CLNK: variants seen among roughly 807,000 people sequenced by gnomAD.
CLNK encodes cytokine dependent hematopoietic cell linker.
Under a neutral mutation model 68.6 loss-of-function variants are expected in CLNK, and 74 were observed. The observed-to-expected ratio is 1.08, with a 90% CI of 0.89 to 1.31. CLNK has a LOEUF of 1.31. CLNK is among the 50% of genes most tolerant of loss of function. The pLI, the probability that CLNK is intolerant of heterozygous loss-of-function variation, is 0.00. For synonymous variants in CLNK, 198 were observed against 172.2 expected (o/e 1.15, Z -1.17); for missense variants, 553 against 515.3 (o/e 1.07, Z -0.71).
chr4:10,625,895 T>C (rs1351494587), intron 2 of CLNK, among the ~76,000 whole-genome samples: 1 of 152,232 alleles, frequency 6.6e-6, no homozygotes, highest in Non-Finnish European at 1.5e-5. Flanking sequence ...GAAGGAATTC[T>C]CTAGACTAGG....
chr4:10,676,399 T>TTTTC (rs1724876068), intron 1 of CLNK, among the ~76,000 whole-genome samples: 1 of 150,898 alleles, frequency 6.6e-6, no homozygotes. Context: ...ATTTCTTTTT[T>TTTTC]TTTTTTTTTG....
intron 4 of CLNK, among the ~76,000 whole-genome samples, chr4:10,579,927 T>C (rs1209229366): frequency 6.6e-6 from 1 of 152,198 alleles, no homozygotes; most frequent in Non-Finnish European, 1.5e-5. Context: ...CCTATGCAAA[T>C]CAGGCACCAC....
chr4:10,590,538 G>T (rs376422714), intron 3 of CLNK, among the ~76,000 whole-genome samples: 1 of 152,102 alleles, frequency 6.6e-6, no homozygotes, highest in African/African-American at 2.4e-5. Flanking sequence ...ATTCAGCAGC[G>T]AAACCCCTGG....
intron 1 of CLNK, among the ~76,000 whole-genome samples, chr4:10,668,318 C>G (rs7667386): frequency 6.6e-6 from 1 of 152,238 alleles, no homozygotes; most frequent in South Asian, 2.1e-4. Flanking sequence ...ATATTTATTG[C>G]AAGTTACAGT....
chr4:10,688,679 T>C (rs959779726), upstream of CLNK, among the ~76,000 whole-genome samples: 1 of 152,094 alleles, frequency 6.6e-6, no homozygotes, highest in Non-Finnish European at 1.5e-5. Context: ...ATGTATAAAA[T>C]GATAAAATTC....
chr4:10,709,050 A>G, the CLNK span, among the ~76,000 whole-genome samples: 1 of 152,226 alleles, frequency 6.6e-6, no homozygotes, highest in Non-Finnish European at 1.5e-5. Context: ...AGGGAGACTC[A>G]CTTAATCATT....
chr4:10,681,981 AT>A (rs1322025588), intron 1 of CLNK, among the ~76,000 whole-genome samples: 11 of 152,320 alleles, frequency 7.2e-5, no homozygotes, highest in Non-Finnish European at 1.5e-4. Flanking sequence ...CCTGTAAGTC[AT>A]TGCTCTTTGG....
At chr4:10,662,816 CT>C (rs1724245310) in intron 2 of CLNK, among the ~76,000 whole-genome samples, 1 of 152,198 alleles carries the variant, frequency 6.6e-6, no homozygotes, top group South Asian at 2.1e-4. Flanking sequence ...TTTCATTCTT[CT>C]TTGTAATTTG....
intron 2 of CLNK, among the ~76,000 whole-genome samples, chr4:10,615,814 T>A (rs17467937): frequency 0.17 from 25,802 of 152,216 alleles, 2,251 homozygotes; most frequent in Middle Eastern, 0.2. Flanking sequence ...TAGTCAATGG[T>A]AGTGTTCTGG....
chr4:10,713,047 T>A, the CLNK span, among the ~76,000 whole-genome samples: 1 of 152,230 alleles, frequency 6.6e-6, no homozygotes, highest in African/African-American at 2.4e-5. Context: ...GAGGCAGATT[T>A]TAGAGACGCC....
chr4:10,593,924 G>A lies in CLNK; in HGVS notation c.83+4054C>T, dbSNP rs371179176. ...AAGGATGGAAAGGAGACTAGTGCTT[G>A]GAAAGTGAAGATGTGGATTAGAATC... On this transcript the variant is annotated intron_variant, in intron 3 of 18. Transcript: ENST00000226951. Among the ~76,000 whole-genome samples, 16 of 152,304 alleles carry A rather than the reference G, an allele frequency of 1.1e-4. 1 individual carries two copies. In the South Asian group the frequency reaches 2.5e-3, roughly 24 times the overall value.
chr4:10,526,122 A>G (rs1169991363), intron 13 of CLNK, among the ~76,000 whole-genome samples, 200 bp from the exon 14 acceptor site: 1 of 152,228 alleles, frequency 6.6e-6, no homozygotes, highest in Non-Finnish European at 1.5e-5. Flanking sequence ...CTCTGAGGTT[A>G]TAAAAATCAC....
chr4:10,563,793 G>T (rs970817703), intron 7 of CLNK, among the ~76,000 whole-genome samples: 1 of 152,136 alleles, frequency 6.6e-6, no homozygotes. Flanking sequence ...TGTAATCCCA[G>T]CTATTCAGAA....
intron 2 of CLNK, among the ~76,000 whole-genome samples, chr4:10,649,579 C>T (rs1383758877): frequency 6.6e-6 from 1 of 152,066 alleles, no homozygotes; most frequent in African/African-American, 2.4e-5. Flanking sequence ...GTAAAACTGG[C>T]CCCTAAAGAG....
chr4:10,691,472 C>G, the CLNK span, among the ~76,000 whole-genome samples: 1 of 152,096 alleles, frequency 6.6e-6, no homozygotes, highest in Non-Finnish European at 1.5e-5. Flanking sequence ...GACGTAAGTT[C>G]CAAATCTTTT....
chr4:10,493,656 T>C (rs1577084194), intron 18 of CLNK, among the ~76,000 whole-genome samples: 1 of 152,180 alleles, frequency 6.6e-6, no homozygotes, highest in Non-Finnish European at 1.5e-5. Context: ...ACCACCCATA[T>C]TACGTATACA....
intron 8 of CLNK, among the ~76,000 whole-genome samples, chr4:10,557,376 C>A (rs1222263770): frequency 6.6e-6 from 1 of 152,194 alleles, no homozygotes; most frequent in East Asian, 1.9e-4. Context: ...GAAGCCCCAA[C>A]AGGAGGTCAC....
chr4:10,710,769 C>T, the CLNK span, among the ~76,000 whole-genome samples: 1 of 152,186 alleles, frequency 6.6e-6, no homozygotes, highest in Admixed American at 6.5e-5. Flanking sequence ...CCTGTTCATG[C>T]CTTGGTTATG....
At chr4:10,681,614 A>C (rs1471227189) in intron 1 of CLNK, among the ~76,000 whole-genome samples, 2 of 152,216 alleles carry the variant, frequency 1.3e-5, no homozygotes, top group African/African-American at 4.8e-5. Flanking sequence ...AATTAGTATC[A>C]CCAATGAAAT....
Sources: gnomAD v4.1 joint callset for allele counts (sites outside exome capture counted in the v4.1 genomes callset) on GRCh38, gnomAD v4.1.1 for gene constraint, MANE v1.5 for transcripts, NCBI Gene and HGNC (gene_info 2026-07-23, HGNC 2026-07-21) for gene names.